The following ATP8B1 variants were observed in gnomAD, a reference collection of about 807,000 sequenced individuals.
ATP8B1 encodes ATPase phospholipid transporting 8B1.
In ATP8B1, 80 loss-of-function variants were observed where a neutral mutation model predicts 149.9. The observed-to-expected ratio is 0.53, with a 90% CI of 0.45 to 0.64. The LOEUF (loss-of-function observed/expected upper bound fraction) is 0.64. Among genes scored for constraint, ATP8B1 ranks in the 30% least tolerant of loss-of-function variants. The pLI, the probability that ATP8B1 is intolerant of heterozygous loss-of-function variation, is 0.00. For missense variants in ATP8B1, 1,247 were observed against 1,552.6 expected, an observed-to-expected ratio of 0.80 and a Z score of 3.31; for synonymous variants, 536 against 562.8, an observed-to-expected ratio of 0.95 and a Z score of 0.67.
At chr18:57,714,315 G>A (rs1212033141) in intron 2 of ATP8B1, among the ~76,000 whole-genome samples, 1 of 128,560 alleles carries the variant, frequency 7.8e-6, no homozygotes, top group South Asian at 2.5e-4. Context: ...CCAGTCCATG[G>A]CTCCCAGATG....
Position 57,669,493 on chromosome 18 carries a change from T to TA in ATP8B1, c.1933-12dup, listed in dbSNP as rs764919166. On this transcript the variant is annotated splice_polypyrimidine_tract_variant and intron_variant, in intron 17 of 27. Coordinates refer to ENST00000648908, the MANE Select transcript of ATP8B1 (RefSeq NM_001374385.1). Reference sequence around the variant, plus strand: ...TTCATTTGCAAAGATCTGTTTTATTTAAAAAAATAAATCCACCAATGCAAA... The same window carrying TA: ...TTCATTTGCAAAGATCTGTTTTATTTAAAAAAAATAAATCCACCAATGCAAA... 8.1e-6 allele frequency: 13 copies of TA among 1,605,974 alleles called. No individual in the cohort carries two copies. The Admixed American group carries it at 1.0e-4, about 12-fold the overall frequency.
At chr18:57,771,345 A>G (rs1165566078) in intron 1 of ATP8B1, among the ~76,000 whole-genome samples, 1 of 152,202 alleles carries the variant, frequency 6.6e-6, no homozygotes, top group Non-Finnish European at 1.5e-5. Flanking sequence ...AGACAGTTTT[A>G]TTAAGCGTGA....
intron 11 of ATP8B1, among the ~76,000 whole-genome samples, chr18:57,693,275 C>A (rs748123047): frequency 6.6e-5 from 10 of 152,116 alleles, no homozygotes; most frequent in Non-Finnish European, 1.5e-4. Context: ...TTTGGGGTCA[C>A]CACGTGGGCA....
Position 57,669,142 on chromosome 18 carries a change from T to C in ATP8B1, c.2097+176A>G, listed in dbSNP as rs536577334. 3.5e-4 allele frequency: 210 copies of C among 606,136 alleles called. 1 individual carries two copies. Among genetic ancestry groups the C allele is most frequent in the Middle Eastern group, 1.4e-3 (3 of 2,170 alleles). 37.5% of individuals were successfully genotyped at this position (606,136 alleles called of 1,614,324 possible). On this transcript the variant is annotated intron_variant, in intron 18 of 27. Transcript: ENST00000648908. Reference sequence around the variant, plus strand: ...CTTTTGGTTTCTCATAATGGCAACTTCTGTTCTGCTCCTATTTTGGTGAAT... The same window carrying C: ...CTTTTGGTTTCTCATAATGGCAACTCCTGTTCTGCTCCTATTTTGGTGAAT...
chr18:57,782,799 G>GTTTTTTTTT (rs1329247142), intron 1 of ATP8B1, among the ~76,000 whole-genome samples: 1 of 78,794 alleles, frequency 1.3e-5, no homozygotes, highest in African/African-American at 5.2e-5. Flanking sequence ...ATTCTAGTTT[G>GTTTTTTTTT]TCTCTTTTTT....
chr18:57,755,981 G>A (rs557697517), intron 1 of ATP8B1, among the ~76,000 whole-genome samples: 1 of 151,554 alleles, frequency 6.6e-6, no homozygotes, highest in Admixed American at 6.6e-5. Context: ...AATACTTCAG[G>A]GGTAGTCTCT....
At chr18:57,787,733 T>C (rs942412696) in intron 1 of ATP8B1, among the ~76,000 whole-genome samples, 1 of 152,264 alleles carries the variant, frequency 6.6e-6, no homozygotes, top group Non-Finnish European at 1.5e-5. Context: ...TTGTCAAACC[T>C]CAGGGGTTAG....
In ATP8B1 at chr18:57,802,291, C is replaced by G. The variant is rs1360197084; in HGVS notation, c.-26+707G>C. On this transcript the variant is annotated intron_variant, in intron 1 of 27. Coordinates refer to ENST00000648908, the MANE Select transcript of ATP8B1 (RefSeq NM_001374385.1). The surrounding 1 kb of genome is among the most constrained non-coding windows in gnomAD (Gnocchi z 4.9). ...CGAGGTGACAGCGCAGGGCACCAAA[C>G]TGCTGAGGGAAGGAGATGCCTGCAG... 6.6e-6 allele frequency among the ~76,000 whole-genome samples: 1 copy of G among 152,198 alleles called. No homozygotes were observed. The highest frequency in any genetic ancestry group is 1.5e-5 in the Non-Finnish European group (1 of 68,020).
At chr18:57,666,822 C>A (rs1468567665) in intron 20 of ATP8B1, among the ~76,000 whole-genome samples, 3 of 152,164 alleles carry the variant, frequency 2.0e-5, no homozygotes, top group South Asian at 2.1e-4. Context: ...AGGCATGAGC[C>A]ACTGCGCCTG....
chr18:57,713,850 C>T (rs1367765910), intron 2 of ATP8B1, among the ~76,000 whole-genome samples: 1 of 141,494 alleles, frequency 7.1e-6, no homozygotes, highest in African/African-American at 2.6e-5. Flanking sequence ...TGGTCTCTAA[C>T]TCCTGGCCTC....
intron 17 of ATP8B1, among the ~76,000 whole-genome samples, chr18:57,670,264 C>T (rs960617671): frequency 1.3e-5 from 2 of 152,124 alleles, no homozygotes; most frequent in Non-Finnish European, 2.9e-5. Context: ...ATTGTTAAAG[C>T]TGAGGTCAAA....
chr18:57,749,844 C>T (rs538015133), intron 1 of ATP8B1, among the ~76,000 whole-genome samples: 1 of 152,306 alleles, frequency 6.6e-6, no homozygotes, highest in Non-Finnish European at 1.5e-5. Context: ...CTGGCCTCAA[C>T]TTGCTATTTT....
Position 57,731,711 on chromosome 18 carries a change from G to C in ATP8B1, c.97C>G (p.Leu33Val). ...TCAACAGCAGACCCCTGGTCATCAAGTTCATCTTCTGTTTCATCATCACTG... is the reference window on the plus strand; with the variant it reads ...TCAACAGCAGACCCCTGGTCATCAACTTCATCTTCTGTTTCATCATCACTG... ...PYSDDETEDELDDQGSAVEPE... is the reference protein window; with the variant it reads ...PYSDDETEDEVDDQGSAVEPE... Residue 33 changes from leucine (L) to valine (V), a missense_variant, in exon 2 of 28, where the codon CTT (leucine) becomes GTT (valine). Physicochemically the swap from Leu to Val is conservative, Grantham distance 32. This residue lies in a region of ATP8B1 where 853 missense variants were observed against 1,035.7 expected (regional missense o/e 0.82). Coordinates refer to ENST00000648908, the MANE Select transcript of ATP8B1 (RefSeq NM_001374385.1). 1 of 1,614,076 alleles carries C rather than the reference G, an allele frequency of 6.2e-7. No homozygotes were observed. Among genetic ancestry groups the C allele is most frequent in the Non-Finnish European group, 8.5e-7 (1 of 1,180,022 alleles).
rs764454050 is a variant in ATP8B1 at position 57,691,851 on chromosome 18, A to G, written c.1176T>C (p.Tyr392=). Residue 392 remains tyrosine (Y), a synonymous_variant, in exon 12 of 28, where the codon TAT becomes TAC. Transcript: ENST00000648908. ...GTACCATGGTGTTGAGAACAATGAT[A>G]TAGCCCCAGAAAATGAGGAATCCAC... ...SYRGFLIFWG[Y]IIVLNTMVPI... is the part of the protein sequence containing the mutation. The G allele has an allele frequency of 6.2e-7, 1 of 1,614,130 alleles. No individual in the cohort carries two copies. Among genetic ancestry groups the G allele is most frequent in the East Asian group, 2.2e-5 (1 of 44,886 alleles).
Position 57,695,197 on chromosome 18 carries a change from A to C in ATP8B1, c.914T>G (p.Phe305Cys). The C allele has an allele frequency of 6.2e-7, 1 of 1,614,184 alleles. No individual in the cohort carries two copies. Among genetic ancestry groups the C allele is most frequent in the South Asian group, 1.1e-5 (1 of 91,084 alleles). ...LRGCVIRNTDFCHGLVIFAGA... is the reference protein window; with the variant it reads ...LRGCVIRNTDCCHGLVIFAGA... ...TGCAAAAATGACTAAGCCGTGGCAG[A>C]AATCGGTGTTCCTAATTACACAGCC... The change falls in exon 10 of 28, where the codon TTC becomes TGC. Residue 305 changes from phenylalanine to cysteine, a missense_variant. Transcript: ENST00000648908.
intron 20 of ATP8B1, among the ~76,000 whole-genome samples, chr18:57,665,862 T>A (rs1337101540): frequency 6.6e-6 from 1 of 152,132 alleles, no homozygotes; most frequent in Non-Finnish European, 1.5e-5. Context: ...GTTGCTACTT[T>A]TTTAAAACCT....
At chr18:57,770,711 A>G (rs376261980) in intron 1 of ATP8B1, among the ~76,000 whole-genome samples, 2 of 152,254 alleles carry the variant, frequency 1.3e-5, no homozygotes, top group South Asian at 2.1e-4. Context: ...GGACAGGTAT[A>G]CTGGGGCTTG....
At chr18:57,713,192 TTTCTTTCCTTCCTTCC>T (rs1269297568) in intron 2 of ATP8B1, among the ~76,000 whole-genome samples, 57 of 94,094 alleles carry the variant, frequency 6.1e-4, no homozygotes, top group South Asian at 3.3e-3. Context: ...TCTTTCTTTC[TTTCTTTCCTTCCTTCC>T]TTCCTTCCTT....
At chr18:57,664,217 C>G in intron 20 of ATP8B1, among the ~76,000 whole-genome samples, 1 of 151,664 alleles carries the variant, frequency 6.6e-6, no homozygotes, top group South Asian at 2.1e-4. Context: ...AGAAGAAAGG[C>G]AATCTTAGGC....
Sources: gnomAD v4.1 joint callset for allele counts (sites outside exome capture counted in the v4.1 genomes callset) on GRCh38, gnomAD v4.1.1 for gene constraint, gnomAD v4.1.1 regional missense constraint, Gnocchi (gnomAD v3.1) non-coding constraint, MANE v1.5 for transcripts, NCBI Gene and HGNC (gene_info 2026-07-23, HGNC 2026-07-21) for gene names.